TBC1D4: variants seen among roughly 807,000 people sequenced by gnomAD.
TBC1D4 encodes the protein TBC (Tre-2, BUB2, CDC16) domain-containing protein.
In TBC1D4, 121 loss-of-function variants were observed where a neutral mutation model predicts 142.5. The observed-to-expected ratio is 0.85, with a 90% CI of 0.73 to 0.99. The LOEUF is 0.99. Ranked by LOEUF, TBC1D4 falls within the 50% of genes least tolerant of loss-of-function variation. The pLI is 0.00. For missense variants in TBC1D4, 1,475 were observed against 1,606.6 expected (o/e 0.92, Z 1.40); for synonymous variants, 630 against 628.2 (o/e 1.00, Z -0.04).
At chr13:75,305,046 G>C (rs1254995968) in intron 15 of TBC1D4, among the ~76,000 whole-genome samples, 3 of 152,106 alleles carry the variant, frequency 2.0e-5, no homozygotes, top group African/African-American at 7.2e-5. Flanking sequence ...GGACATAATT[G>C]AATCATGGGG....
At chr13:75,360,207 A>T (rs1882391791) in intron 2 of TBC1D4, among the ~76,000 whole-genome samples, 2 of 152,212 alleles carry the variant, frequency 1.3e-5, no homozygotes, top group African/African-American at 4.8e-5. Flanking sequence ...AGTTATAATC[A>T]TACTTTCTTC....
At chr13:75,431,647 A>T (rs1343717077) in intron 1 of TBC1D4, among the ~76,000 whole-genome samples, 3 of 152,332 alleles carry the variant, frequency 2.0e-5, no homozygotes, top group East Asian at 3.9e-4. Context: ...AAAAGTAATA[A>T]AAAGAATTTC....
intron 1 of TBC1D4, among the ~76,000 whole-genome samples, chr13:75,451,371 GT>G (rs1174924247): frequency 6.6e-6 from 1 of 151,596 alleles, no homozygotes; most frequent in Non-Finnish European, 1.5e-5. Flanking sequence ...ATTTTTTTCT[GT>G]TACTTATTAA....
intron 10 of TBC1D4, among the ~76,000 whole-genome samples, chr13:75,325,849 A>G (rs1262393553): frequency 1.3e-5 from 2 of 152,200 alleles, no homozygotes; most frequent in East Asian, 3.8e-4. Context: ...ATGCTATGTT[A>G]TTTTCAAATC....
intron 14 of TBC1D4, 139 bp downstream of exon 14, chr13:75,309,803 T>C: frequency 1.3e-6 from 1 of 780,126 alleles, no homozygotes. Flanking sequence ...TCAACAATTA[T>C]AATCAGTAGG....
intron 1 of TBC1D4, among the ~76,000 whole-genome samples, chr13:75,422,561 C>T (rs1555320019): frequency 6.6e-6 from 1 of 152,084 alleles, no homozygotes; most frequent in Non-Finnish European, 1.5e-5. Context: ...AAAGAAAATC[C>T]TTTCGAACTT....
At chr13:75,298,671 T>C (rs1269117708) in intron 17 of TBC1D4, among the ~76,000 whole-genome samples, 5 of 152,134 alleles carry the variant, frequency 3.3e-5, no homozygotes, top group Non-Finnish European at 1.5e-5. Context: ...CAGAATGGCT[T>C]GAACCCGGGA....
At position 75,309,991 on chromosome 13, in the gene TBC1D4, G is replaced by A; in HGVS notation, c.2544C>T (p.His848=). 6.2e-7 allele frequency: 1 copy of A among 1,614,102 alleles called. No individual in the cohort carries two copies. Among genetic ancestry groups the A allele is most frequent in the Admixed American group, 1.7e-5 (1 of 60,006 alleles). ...ELRSLWRKAI[H]QQILLLRMEK... ...CCATTCGAAGTAACAAGATTTGTTG[G>A]TGTATAGCTTTTCTCCACAAGCTCC... The change falls in exon 14 of 21, where the codon CAC becomes CAT. Residue 848 remains histidine (H), a synonymous_variant. Coordinates refer to ENST00000377636, the MANE Select transcript of TBC1D4 (RefSeq NM_014832.5).
chr13:75,425,460 T>G (rs1386517615), intron 1 of TBC1D4, among the ~76,000 whole-genome samples: 3 of 152,222 alleles, frequency 2.0e-5, no homozygotes, highest in Non-Finnish European at 4.4e-5. Context: ...GCAATCCCAC[T>G]ACTGGGTATA....
chr13:75,479,846 A>T (rs1888759524), intron 1 of TBC1D4, among the ~76,000 whole-genome samples: 1 of 152,212 alleles, frequency 6.6e-6, no homozygotes, highest in South Asian at 2.1e-4. Flanking sequence ...ATATTTTGCC[A>T]TAAACATAAC....
At position 75,326,302 on chromosome 13, in the gene TBC1D4, A is replaced by G; in HGVS notation, c.1928T>C (p.Phe643Ser). 2 of 1,614,124 alleles carry G rather than the reference A, an allele frequency of 1.2e-6. No homozygotes were observed. Among genetic ancestry groups the G allele is most frequent in the Non-Finnish European group, 1.7e-6 (2 of 1,180,030 alleles). ...SPQFRRRAHT[F>S]SHPPSSTKRK... is the part of the protein sequence containing the mutation. ...CTTTGTGCTTGAAGGTGGGTGGCTGAACGTGTGTGCCCGTCTTCGAAACTG... is the reference window on the plus strand; with the variant it reads ...CTTTGTGCTTGAAGGTGGGTGGCTGGACGTGTGTGCCCGTCTTCGAAACTG... Residue 643 changes from phenylalanine (F) to serine (S), a missense_variant, in exon 10 of 21, where the codon TTC becomes TCC. Around this residue, in one of 2 missense-constraint regions of TBC1D4, gnomAD observed 1,227 missense variants for 1,267.7 expected, o/e 0.97. Transcript: ENST00000377636.
chr13:75,326,768 T>A (rs1879300454), intron 9 of TBC1D4, among the ~76,000 whole-genome samples: 1 of 152,172 alleles, frequency 6.6e-6, no homozygotes, highest in Non-Finnish European at 1.5e-5. Flanking sequence ...CTAGAGCTAC[T>A]GTACTTCTCT....
At chr13:75,424,694 C>A (rs1886310557) in intron 1 of TBC1D4, among the ~76,000 whole-genome samples, 2 of 152,094 alleles carry the variant, frequency 1.3e-5, no homozygotes, top group South Asian at 4.1e-4. Context: ...GAAGACAGAA[C>A]CCAGAAATAA....
chr13:75,422,545 GT>G (rs1260126710), intron 1 of TBC1D4, among the ~76,000 whole-genome samples: 1 of 151,996 alleles, frequency 6.6e-6, no homozygotes, highest in Non-Finnish European at 1.5e-5. Flanking sequence ...GAAATCTTTT[GT>G]TATCAAAGAA....
Position 75,306,472 on chromosome 13 carries a change from C to T in TBC1D4, c.2594-1G>A. The T allele has an allele frequency of 6.2e-7, 1 of 1,612,624 alleles. No homozygotes were observed. Among genetic ancestry groups the T allele is most frequent in the Non-Finnish European group, 8.5e-7 (1 of 1,179,744 alleles). ...CTGGACTGGAGTTCATCTCTGCTTG[C>T]TAAGGAAAAAAACAATTTACGTAAG... On this transcript the variant is annotated splice_acceptor_variant, in intron 14 of 20. Transcript: ENST00000377636. LOFTEE classifies it high-confidence loss of function.
intron 1 of TBC1D4, among the ~76,000 whole-genome samples, chr13:75,389,750 T>C (rs1017269570): frequency 3.9e-5 from 6 of 152,228 alleles, no homozygotes; most frequent in African/African-American, 1.2e-4. Flanking sequence ...CAACCAATTA[T>C]GGTACTGTGG....
At chr13:75,404,653 A>G (rs1330846535) in intron 1 of TBC1D4, among the ~76,000 whole-genome samples, 2 of 152,254 alleles carry the variant, frequency 1.3e-5, no homozygotes, top group South Asian at 2.1e-4. Flanking sequence ...ATGAACAAAA[A>G]GAAGTATCAC....
chr13:75,481,903 G>A lies in TBC1D4; in HGVS notation c.-136C>T. On this transcript the variant is annotated 5_prime_UTR_variant, in exon 1 of 21. Coordinates refer to ENST00000377636, the MANE Select transcript of TBC1D4 (RefSeq NM_014832.5). ...GCCTGCCTGGGAGCGGCGCGACCCC[G>A]AACTCCGCGCTTCAGCAGCCCTGCC... is the stretch of plus-strand genomic sequence containing the variant. 2.4e-6 allele frequency: 3 copies of A among 1,275,062 alleles called. No homozygotes were observed. Among genetic ancestry groups the A allele is most frequent in the Non-Finnish European group, 2.0e-6 (2 of 987,522 alleles). The allele number at this position is 1,275,062 out of a possible 1,614,324, so 79.0% of individuals were successfully genotyped here.
intron 3 of TBC1D4, among the ~76,000 whole-genome samples, chr13:75,357,644 G>A (rs747416774): frequency 5.3e-5 from 8 of 152,238 alleles, no homozygotes; most frequent in Non-Finnish European, 2.9e-5. Context: ...AACCATTCCC[G>A]TAGTCCCCAT....
Sources: allele counts gnomAD v4.1 joint callset (sites outside exome capture counted in the v4.1 genomes callset), GRCh38; gene constraint gnomAD v4.1.1; regional missense constraint gnomAD v4.1.1; transcripts MANE v1.5; gene names NCBI Gene and HGNC (gene_info 2026-07-23, HGNC 2026-07-21).